Variants in PRDM16 observed in about 807,000 individuals in gnomAD.
PRDM16 encodes histone-lysine N-methyltransferase PRDM16.
A neutral mutation model predicts 110.6 loss-of-function variants in PRDM16; 23 were observed. That is an observed-to-expected ratio of 0.21 (90% CI 0.15 to 0.29). The LOEUF is 0.29. PRDM16 is among the 10% of genes least tolerant of loss of function. PRDM16 has a pLI of 1.00. For synonymous variants in PRDM16, 799 were observed against 781.8 expected, an observed-to-expected ratio of 1.02 and a Z score of -0.37; for missense variants, 1,615 against 1,794.3, an observed-to-expected ratio of 0.90 and a Z score of 1.81.
intron 5 of PRDM16, among the ~76,000 whole-genome samples, chr1:3,401,894 C>T (rs1205314867): frequency 1.3e-5 from 2 of 152,188 alleles, no homozygotes; most frequent in Non-Finnish European, 2.9e-5. Context: ...AATATTCACG[C>T]ATGTAGGTGC....
chr1:3,383,854 C>T (rs1159541699), intron 3 of PRDM16, among the ~76,000 whole-genome samples: 1 of 152,006 alleles, frequency 6.6e-6, no homozygotes, highest in Non-Finnish European at 1.5e-5. Flanking sequence ...TAAGGACACA[C>T]CTGCCCACCA....
intron 2 of PRDM16, among the ~76,000 whole-genome samples, chr1:3,236,071 C>T (rs1181367151): frequency 6.6e-6 from 1 of 152,176 alleles, no homozygotes; most frequent in African/African-American, 2.4e-5. Flanking sequence ...ATCCAGAGAG[C>T]AGGCATCCCT....
At chr1:3,372,466 A>G (rs1019919406) in intron 3 of PRDM16, among the ~76,000 whole-genome samples, 2 of 152,214 alleles carry the variant, frequency 1.3e-5, no homozygotes, top group Non-Finnish European at 2.9e-5. Flanking sequence ...GACACTTCCC[A>G]GGGCCTCGTG....
At chr1:3,383,802 C>T (rs1485163781) in intron 3 of PRDM16, among the ~76,000 whole-genome samples, 1 of 151,374 alleles carries the variant, frequency 6.6e-6, no homozygotes, top group Non-Finnish European at 1.5e-5. Context: ...TTATCCATCA[C>T]CCCTGCCCGC....
chr1:3,368,396 G>A (rs1165758943), intron 3 of PRDM16, among the ~76,000 whole-genome samples: 5 of 152,202 alleles, frequency 3.3e-5, no homozygotes, highest in Non-Finnish European at 7.3e-5. Context: ...TGGGCCCCGG[G>A]CAGGAAGACA....
At chr1:3,204,940 G>T (rs1367407198) in intron 2 of PRDM16, among the ~76,000 whole-genome samples, 1 of 152,204 alleles carries the variant, frequency 6.6e-6, no homozygotes, top group East Asian at 1.9e-4. Context: ...ACGGGGAGCT[G>T]GGAAGGCCCC....
chr1:3,240,067 AG>A (rs1436577031), intron 2 of PRDM16, among the ~76,000 whole-genome samples: 4 of 64,074 alleles, frequency 6.2e-5, no homozygotes, highest in Non-Finnish European at 9.8e-5. Flanking sequence ...AGAGGAGAGG[AG>A]AGGAGAGGAG....
At chr1:3,221,634 C>G (rs1043216579) in intron 2 of PRDM16, among the ~76,000 whole-genome samples, 2 of 152,330 alleles carry the variant, frequency 1.3e-5, no homozygotes, top group African/African-American at 4.8e-5. Context: ...TTGCATTTCC[C>G]CCTTCTCCCC....
chr1:3,262,499 G>T (rs1640184467), intron 3 of PRDM16, among the ~76,000 whole-genome samples: 1 of 152,224 alleles, frequency 6.6e-6, no homozygotes, highest in South Asian at 2.1e-4. Context: ...CCCTTGGCGG[G>T]AGGCGTGGTT....
At position 3,396,565 on chromosome 1, in the gene PRDM16, C is replaced by A; in HGVS notation, c.648C>A (p.Pro216=). 7 of 1,602,372 alleles carry A rather than the reference C, an allele frequency of 4.4e-6. No homozygotes were observed. Among genetic ancestry groups the A allele is most frequent in the Non-Finnish European group, 6.0e-6 (7 of 1,173,988 alleles). ...TGCACGTGAAGGAAGGCGTCTACCC[C>A]CTGGGCACAGTGCCGCCCGGCCTGG... ...LLVHVKEGVY[P]LGTVPPGLDE... The change falls in exon 5 of 17, where the codon CCC becomes CCA. Residue 216 remains proline, a synonymous_variant. Transcript: ENST00000270722.
intron 1 of PRDM16, among the ~76,000 whole-genome samples, chr1:3,078,250 C>T (rs1641942973): frequency 6.6e-6 from 1 of 152,192 alleles, no homozygotes; most frequent in Non-Finnish European, 1.5e-5. Flanking sequence ...ACCTCTCCAG[C>T]TGCAGGATGC....
At chr1:3,085,135 A>T (rs1479330078) in intron 1 of PRDM16, among the ~76,000 whole-genome samples, 1 of 151,992 alleles carries the variant, frequency 6.6e-6, no homozygotes. Flanking sequence ...CCCAGGACCT[A>T]CTCCGACCTA....
chr1:3,356,651 C>G (rs1341762808), intron 3 of PRDM16, among the ~76,000 whole-genome samples: 1 of 152,172 alleles, frequency 6.6e-6, no homozygotes, highest in Non-Finnish European at 1.5e-5. Flanking sequence ...CTTAGCCTGC[C>G]CCAGAGCGGC....
intron 3 of PRDM16, among the ~76,000 whole-genome samples, chr1:3,287,784 G>A (rs1393866410): frequency 2.8e-5 from 4 of 141,086 alleles, no homozygotes; most frequent in Non-Finnish European, 3.1e-5. Context: ...ATTTACCGGG[G>A]CTGGAGCCGC....
intron 1 of PRDM16, among the ~76,000 whole-genome samples, chr1:3,138,247 G>T (rs555847638): frequency 1.3e-5 from 2 of 152,354 alleles, no homozygotes; most frequent in South Asian, 4.1e-4. Flanking sequence ...GCTTTGTGCA[G>T]AAAGGAAAGG....
intron 3 of PRDM16, among the ~76,000 whole-genome samples, chr1:3,269,916 AGGAGGAGGACAATCG>A (rs1468349323): frequency 1.2e-4 from 17 of 143,476 alleles, no homozygotes; most frequent in Non-Finnish European, 2.4e-4. Flanking sequence ...AGGACAGTCC[AGGAGGAGGACAATCG>A]GGAGGAGGAC....
At chr1:3,347,079 C>T (rs921384098) in intron 3 of PRDM16, among the ~76,000 whole-genome samples, 3 of 152,192 alleles carry the variant, frequency 2.0e-5, no homozygotes, top group African/African-American at 7.2e-5. Flanking sequence ...CACAGGTGTC[C>T]AGGAAACCCA....
intron 3 of PRDM16, among the ~76,000 whole-genome samples, chr1:3,314,124 C>T (rs1417828939): frequency 6.8e-6 from 1 of 147,118 alleles, no homozygotes; most frequent in Non-Finnish European, 1.5e-5. Context: ...CCTTAAGGAG[C>T]GGACCGCCTG....
chr1:3,091,349 G>T (rs1478773194), intron 1 of PRDM16, among the ~76,000 whole-genome samples: 2 of 152,112 alleles, frequency 1.3e-5, no homozygotes, highest in African/African-American at 4.8e-5. Context: ...ACTTAAGCGG[G>T]TGCAGCCAGG....
Sources: gnomAD v4.1 joint callset for allele counts (sites outside exome capture counted in the v4.1 genomes callset) on GRCh38, gnomAD v4.1.1 for gene constraint, MANE v1.5 for transcripts, NCBI Gene and HGNC (gene_info 2026-07-23, HGNC 2026-07-21) for gene names.